Variants in SLX4IP observed in about 807,000 individuals in gnomAD.
SLX4IP encodes the protein protein SLX4IP.
SLX4IP carries 34 observed loss-of-function variants against 32.9 expected under a neutral mutation model. The ratio of observed to expected loss-of-function variants is 1.03; its 90% CI spans 0.79 to 1.38. SLX4IP has a LOEUF of 1.38. Ranked by LOEUF, SLX4IP falls within the 40% of genes most tolerant of loss-of-function variation. The pLI, the probability that SLX4IP is intolerant of heterozygous loss-of-function variation, is 0.00. For missense variants in SLX4IP, 444 were observed against 479.0 expected (o/e 0.93, Z 0.68); for synonymous variants, 172 against 171.7 (o/e 1.00, Z -0.01).
intron 1 of SLX4IP, among the ~76,000 whole-genome samples, chr20:10,453,550 T>C (rs1333120433): frequency 1.3e-5 from 2 of 152,304 alleles, no homozygotes; most frequent in East Asian, 3.9e-4. Context: ...AAAAAATACA[T>C]GAAACAGTTT....
intron 2 of SLX4IP, among the ~76,000 whole-genome samples, chr20:10,530,184 C>T (rs1490987430): frequency 2.0e-5 from 3 of 152,212 alleles, no homozygotes; most frequent in Non-Finnish European, 4.4e-5. Context: ...TAAGGCGGTG[C>T]AGTCTCAGAC....
At chr20:10,604,507 C>G (rs1393743591) in intron 6 of SLX4IP, among the ~76,000 whole-genome samples, 1 of 152,194 alleles carries the variant, frequency 6.6e-6, no homozygotes, top group Non-Finnish European at 1.5e-5. Flanking sequence ...GACAAGGAAG[C>G]CAGCTGCACT....
intron 1 of SLX4IP, among the ~76,000 whole-genome samples, chr20:10,447,261 TGTTTGTCTGCCC>T (rs2065209653): frequency 6.6e-6 from 1 of 151,736 alleles, no homozygotes; most frequent in Non-Finnish European, 1.5e-5. Context: ...CCCCTCTGCC[TGTTTGTCTGCCC>T]GTTTGCCAGT....
chr20:10,515,271 G>A (rs1011339003), intron 2 of SLX4IP, among the ~76,000 whole-genome samples: 1 of 151,622 alleles, frequency 6.6e-6, no homozygotes, highest in African/African-American at 2.4e-5. Flanking sequence ...TTTTAGTAGC[G>A]ACGGGGTTTC....
chr20:10,532,588 C>G (rs1237549089), intron 2 of SLX4IP, among the ~76,000 whole-genome samples: 1 of 152,096 alleles, frequency 6.6e-6, no homozygotes, highest in Non-Finnish European at 1.5e-5. Flanking sequence ...CTAGTCCTCA[C>G]TTCACCTGAG....
intron 2 of SLX4IP, among the ~76,000 whole-genome samples, chr20:10,469,332 C>G (rs914012550): frequency 2.0e-5 from 3 of 151,766 alleles, no homozygotes; most frequent in African/African-American, 7.3e-5. Context: ...AAAAAAAAAT[C>G]ATCTCAACCT....
At chr20:10,474,124 C>T (rs2065453259) in intron 2 of SLX4IP, among the ~76,000 whole-genome samples, 1 of 152,120 alleles carries the variant, frequency 6.6e-6, no homozygotes, top group Admixed American at 6.5e-5. Context: ...TGCTCGGCCT[C>T]AGGCTGGTCT....
chr20:10,593,387 G>T (rs1248096478), intron 4 of SLX4IP, among the ~76,000 whole-genome samples: 1 of 151,908 alleles, frequency 6.6e-6, no homozygotes, highest in Admixed American at 6.6e-5. Flanking sequence ...TAAATGGCTG[G>T]CATTTTAAAA....
intron 1 of SLX4IP, among the ~76,000 whole-genome samples, chr20:10,456,950 G>A (rs1480907031): frequency 1.3e-5 from 2 of 151,980 alleles, no homozygotes; most frequent in African/African-American, 4.8e-5. Context: ...CTTTTGCTAT[G>A]CTTATTCCTA....
intron 1 of SLX4IP, among the ~76,000 whole-genome samples, chr20:10,445,132 C>T (rs577912145): frequency 1.3e-5 from 2 of 152,064 alleles, no homozygotes; most frequent in Admixed American, 6.5e-5. Flanking sequence ...ATACAAGTCT[C>T]ATGGTTGGAT....
At chr20:10,531,092 TAGAC>T (rs887207898) in intron 2 of SLX4IP, among the ~76,000 whole-genome samples, 1 of 152,176 alleles carries the variant, frequency 6.6e-6, no homozygotes, top group African/African-American at 2.4e-5. Flanking sequence ...ATGGGCCTAG[TAGAC>T]AGATACCAGG....
intron 2 of SLX4IP, among the ~76,000 whole-genome samples, chr20:10,482,551 A>T (rs1207056973): frequency 1.3e-5 from 2 of 152,106 alleles, no homozygotes; most frequent in Non-Finnish European, 2.9e-5. Context: ...GTGGTTATAC[A>T]CTAGATGCCT....
At chr20:10,529,551 A>G (rs2065968334) in intron 2 of SLX4IP, among the ~76,000 whole-genome samples, 1 of 128,526 alleles carries the variant, frequency 7.8e-6, no homozygotes, top group Non-Finnish European at 1.6e-5. Flanking sequence ...ATATTGTACC[A>G]CTGCACTCCA....
intron 1 of SLX4IP, among the ~76,000 whole-genome samples, chr20:10,449,192 G>T (rs1416565376): frequency 6.6e-6 from 1 of 152,168 alleles, no homozygotes; most frequent in Non-Finnish European, 1.5e-5. Context: ...CAAGCTCAAG[G>T]TCTATGCAAC....
chr20:10,459,933 A>G (rs984993851), intron 2 of SLX4IP, among the ~76,000 whole-genome samples: 4 of 152,264 alleles, frequency 2.6e-5, no homozygotes, highest in Non-Finnish European at 4.4e-5. Flanking sequence ...ACATCAAAAT[A>G]TAAATTACAA....
chr20:10,580,366 C>T (rs2122524876), intron 4 of SLX4IP, among the ~76,000 whole-genome samples: 1 of 152,144 alleles, frequency 6.6e-6, no homozygotes, highest in African/African-American at 2.4e-5. Context: ...GATATGAATG[C>T]AGTGCCCTCC....
At chr20:10,475,983 G>A (rs555930623) in intron 2 of SLX4IP, among the ~76,000 whole-genome samples, 69 of 152,256 alleles carry the variant, frequency 4.5e-4, no homozygotes, top group African/African-American at 1.4e-3. Flanking sequence ...AGGCCTCGGG[G>A]GCATCCAAGA....
chr20:10,605,954 T>C (rs1820455864), intron 6 of SLX4IP, among the ~76,000 whole-genome samples: 1 of 152,176 alleles, frequency 6.6e-6, no homozygotes, highest in Non-Finnish European at 1.5e-5. Flanking sequence ...AATAAACTAT[T>C]GAAGGCTGAG....
At chr20:10,490,193 C>CTTT (rs71334406) in intron 2 of SLX4IP, among the ~76,000 whole-genome samples, 44 of 135,478 alleles carry the variant, frequency 3.2e-4, no homozygotes, top group African/African-American at 8.4e-4. Context: ...GTGGAAATTT[C>CTTT]TTTTTTTTTT....
Sources: allele counts gnomAD v4.1 joint callset (sites outside exome capture counted in the v4.1 genomes callset), GRCh38; gene constraint gnomAD v4.1.1; transcripts MANE v1.5; gene names NCBI Gene and HGNC (gene_info 2026-07-23, HGNC 2026-07-21).